The following ABCA5 variants were observed in gnomAD, a reference collection of about 807,000 sequenced individuals.
ABCA5 encodes ATP binding cassette subfamily A member 5.
Under a neutral mutation model 206.0 loss-of-function variants are expected in ABCA5, and 163 were observed. The ratio of observed to expected loss-of-function variants is 0.79; its 90% CI spans 0.70 to 0.90. ABCA5 has a LOEUF of 0.90. Among genes scored for constraint, ABCA5 ranks in the 40% least tolerant of loss-of-function variants. The pLI is 0.00. For missense variants in ABCA5, 1,859 were observed against 1,912.9 expected (o/e 0.97, Z 0.53); for synonymous variants, 609 against 613.8 (o/e 0.99, Z 0.11).
chr17:69,287,860 A>G (rs2075476856), intron 14 of ABCA5, 109 bp from the exon 15 acceptor site: 6 of 1,066,598 alleles, frequency 5.6e-6, no homozygotes, highest in Non-Finnish European at 6.3e-6. Flanking sequence ...ATTTTCAATC[A>G]GAAATATATT....
chr17:69,295,219 C>T (rs565718812), intron 10 of ABCA5, among the ~76,000 whole-genome samples: 100 of 152,108 alleles, frequency 6.6e-4, no homozygotes, highest in African/African-American at 2.2e-3. Flanking sequence ...GACAGGTAAC[C>T]GCACCCACAG....
At chr17:69,312,877 A>C (rs542902264) in intron 3 of ABCA5, among the ~76,000 whole-genome samples, 1 of 152,322 alleles carries the variant, frequency 6.6e-6, no homozygotes, top group Admixed American at 6.5e-5. Context: ...ATAAAAGTAC[A>C]TAAAATATGC....
chr17:69,311,024 T>C (rs539954882), intron 3 of ABCA5, among the ~76,000 whole-genome samples: 1 of 152,152 alleles, frequency 6.6e-6, no homozygotes, highest in South Asian at 2.1e-4. Context: ...CGAAACCCTG[T>C]CTCTACAAAA....
At chr17:69,294,967 AAACT>A (rs2075570195) in intron 10 of ABCA5, among the ~76,000 whole-genome samples, 1 of 152,138 alleles carries the variant, frequency 6.6e-6, no homozygotes, top group Non-Finnish European at 1.5e-5. Context: ...TAATCCCCTA[AAACT>A]AATCTATTAA....
chr17:69,319,720 T>C (rs1448989575), intron 1 of ABCA5, among the ~76,000 whole-genome samples: 3 of 152,244 alleles, frequency 2.0e-5, no homozygotes, highest in Non-Finnish European at 4.4e-5. Context: ...CAACTCGATT[T>C]TTCTTCCTTG....
Position 69,309,402 on chromosome 17 carries a change from G to A in ABCA5, c.329C>T (p.Thr110Ile), listed in dbSNP as rs748380020. ...GGATGTTAACATTTCTTTTTCATTT[G>A]TATATTCTTCAGTAATTATGACTGT... ...LPDVIITEEY[T>I]NEKEMLTSSL... is the part of the protein sequence containing the mutation. The change falls in exon 4 of 39, where the codon ACA becomes ATA. Residue 110 changes from threonine (T) to isoleucine (I), a missense_variant. Physicochemically the swap from Thr to Ile is moderately conservative, Grantham distance 89. Coordinates refer to ENST00000392676, the MANE Select transcript of ABCA5 (RefSeq NM_172232.4). 26 of 1,577,454 alleles carry A rather than the reference G, an allele frequency of 1.6e-5. No individual in the cohort carries two copies. In the African/African-American group the frequency reaches 3.4e-4, roughly 21 times the overall value.
chr17:69,314,632 G>C, intron 1 of ABCA5: 2 of 442,696 alleles, frequency 4.5e-6, no homozygotes, highest in South Asian at 4.6e-5. Flanking sequence ...ATGTGAAATA[G>C]GGTAGACCAG....
At chr17:69,291,169 A>G in intron 12 of ABCA5, 47 bp downstream of exon 12, 1 of 1,266,706 alleles carries the variant, frequency 7.9e-7, no homozygotes, top group Non-Finnish European at 1.1e-6. Flanking sequence ...ACACATTTAA[A>G]GAATATATAT....
At chr17:69,305,501 G>A (rs996984904) in intron 6 of ABCA5, among the ~76,000 whole-genome samples, 3 of 152,168 alleles carry the variant, frequency 2.0e-5, no homozygotes, top group Non-Finnish European at 4.4e-5. Context: ...CTGAGACCCT[G>A]AGAGAATGAT....
At chr17:69,288,881 G>C (rs907555123) in intron 14 of ABCA5, among the ~76,000 whole-genome samples, 1 of 151,908 alleles carries the variant, frequency 6.6e-6, no homozygotes, top group Non-Finnish European at 1.5e-5. Flanking sequence ...ACTACATATT[G>C]AGTACCATGT....
intron 20 of ABCA5, among the ~76,000 whole-genome samples, chr17:69,272,705 T>C (rs1259790628): frequency 8.1e-6 from 1 of 123,718 alleles, no homozygotes; most frequent in Non-Finnish European, 1.9e-5. Flanking sequence ...TCGAGTAATT[T>C]TCCATTAATT....
intron 24 of ABCA5, among the ~76,000 whole-genome samples, chr17:69,262,733 T>C (rs539067091): frequency 1.3e-5 from 2 of 152,190 alleles, no homozygotes; most frequent in Non-Finnish European, 2.9e-5. Flanking sequence ...TATTTTCTTT[T>C]GGATATATAC....
intron 12 of ABCA5, among the ~76,000 whole-genome samples, chr17:69,290,819 G>C (rs897074313): frequency 6.6e-5 from 10 of 151,992 alleles, no homozygotes; most frequent in African/African-American, 2.4e-4. Context: ...TATTTTAGAA[G>C]ATAGTATGAA....
intron 18 of ABCA5, among the ~76,000 whole-genome samples, chr17:69,283,147 T>C (rs1337169424): frequency 2.0e-5 from 3 of 151,904 alleles, no homozygotes; most frequent in Non-Finnish European, 4.4e-5. Flanking sequence ...CTACCATACC[T>C]GGCTAATTTT....
At chr17:69,277,916 T>C in intron 18 of ABCA5, 74 bp from the exon 19 acceptor site, 1 of 1,154,838 alleles carries the variant, frequency 8.7e-7, no homozygotes, top group South Asian at 1.8e-5. Flanking sequence ...GCAGGAACAT[T>C]TAAAGAAGCA....
At chr17:69,297,473 T>C in intron 9 of ABCA5, 114 bp from the exon 10 acceptor site, 1 of 849,018 alleles carries the variant, frequency 1.2e-6, no homozygotes, top group East Asian at 2.6e-5. Context: ...TTCCGCAACA[T>C]ATATATATTT....
At chr17:69,272,574 G>A (rs1020931261) in intron 20 of ABCA5, among the ~76,000 whole-genome samples, 1 of 151,710 alleles carries the variant, frequency 6.6e-6, no homozygotes, top group Non-Finnish European at 1.5e-5. Context: ...AAAATGTCAA[G>A]ATTAGCACAG....
At chr17:69,281,359 T>C (rs1242854575) in intron 18 of ABCA5, among the ~76,000 whole-genome samples, 1 of 151,984 alleles carries the variant, frequency 6.6e-6, no homozygotes, top group African/African-American at 2.4e-5. Flanking sequence ...CTCAAGATAT[T>C]AAAACAAATT....
rs1319187449 is a variant in ABCA5, at chr17:69,326,603, A to G, written c.-16+449T>C. Among the ~76,000 whole-genome samples the G allele has an allele frequency of 1.3e-5, 2 of 152,370 alleles. No homozygotes were observed. Among genetic ancestry groups the G allele is most frequent in the Admixed American group, 6.5e-5 (1 of 15,302 alleles). On this transcript the variant is annotated intron_variant, in intron 1 of 38. Coordinates refer to ENST00000392676, the MANE Select transcript of ABCA5 (RefSeq NM_172232.4). The surrounding 1 kb of genome is among the most constrained non-coding windows in gnomAD (Gnocchi z 4.8). ...ATGATCCGCGCGTAACCTCGCAGGGAAGAGCAAGCGCTCATTACCCAGCTG... is the reference window on the plus strand; with the variant it reads ...ATGATCCGCGCGTAACCTCGCAGGGGAGAGCAAGCGCTCATTACCCAGCTG...
Sources: gnomAD v4.1 joint callset for allele counts (sites outside exome capture counted in the v4.1 genomes callset) on GRCh38, gnomAD v4.1.1 for gene constraint, Gnocchi (gnomAD v3.1) non-coding constraint, MANE v1.5 for transcripts, NCBI Gene and HGNC (gene_info 2026-07-23, HGNC 2026-07-21) for gene names.